Variants in MAN2A1 observed in about 807,000 individuals in gnomAD.
MAN2A1 encodes the protein mannosidase alpha class 2A member 1, also known as alpha-mannosidase 2.
Under a neutral mutation model 142.6 loss-of-function variants are expected in MAN2A1, and 76 were observed. That is an observed-to-expected ratio of 0.53 (90% CI 0.44 to 0.65). The LOEUF (loss-of-function observed/expected upper bound fraction) is 0.65, where lower values mean the gene tolerates loss of function less well. MAN2A1 is among the 30% of genes least tolerant of loss of function. The probability of loss-of-function intolerance (pLI) is 0.00; values close to 1 mark genes in which losing one functional copy is unlikely to be tolerated. For missense variants in MAN2A1, 1,311 were observed against 1,365.1 expected (o/e 0.96, Z 0.62); for synonymous variants, 559 against 473.2 (o/e 1.18, Z -2.35).
At chr5:109,698,390 C>T (rs1372386878) in intron 1 of MAN2A1, among the ~76,000 whole-genome samples, 3 of 152,206 alleles carry the variant, frequency 2.0e-5, no homozygotes, top group African/African-American at 7.2e-5. Context: ...ACTTTCTTTG[C>T]TGTGTTGCTG....
At chr5:109,753,002 A>T (rs1299880042) in intron 4 of MAN2A1, among the ~76,000 whole-genome samples, 1 of 152,206 alleles carries the variant, frequency 6.6e-6, no homozygotes, top group Non-Finnish European at 1.5e-5. Context: ...AAGTTCTATC[A>T]TTGGAGTAAA....
chr5:109,774,983 A>G lies in MAN2A1; in HGVS notation c.1374+18A>G, dbSNP rs1459753981. On this transcript the variant is annotated intron_variant, in intron 8 of 21. Transcript: ENST00000261483. The stretch of plus-strand genomic sequence containing the variant: ...AAGTTAAGGTAAGGAGAAAATATTT[A>G]TGATTCCGTATTTGAAATTGAACCT... The G allele has an allele frequency of 2.6e-6, 4 of 1,518,492 alleles. No homozygotes were observed. The South Asian group carries it at 3.6e-5, about 14-fold the overall frequency. The allele number at this position is 1,518,492 out of a possible 1,614,324, so 94.1% of individuals were successfully genotyped here. A position where few individuals can be genotyped will look rare whatever the true frequency, so the allele number is the denominator to read the frequency against.
intron 1 of MAN2A1, among the ~76,000 whole-genome samples, chr5:109,710,727 G>GT (rs915485773): frequency 2.7e-5 from 4 of 150,928 alleles, no homozygotes; most frequent in Non-Finnish European, 4.4e-5. Context: ...TTTCGCTCTT[G>GT]TTGCCGAGCC....
intron 12 of MAN2A1, among the ~76,000 whole-genome samples, chr5:109,803,561 C>T (rs899704993): frequency 2.0e-5 from 3 of 151,840 alleles, no homozygotes; most frequent in Non-Finnish European, 4.4e-5. Context: ...AACAGGTGCT[C>T]ATATATATAG....
At chr5:109,742,792 A>G (rs1485572808) in intron 4 of MAN2A1, among the ~76,000 whole-genome samples, 1 of 152,238 alleles carries the variant, frequency 6.6e-6, no homozygotes, top group Non-Finnish European at 1.5e-5. Flanking sequence ...TCATCAAAGC[A>G]CTGAAAGCAA....
intron 5 of MAN2A1, among the ~76,000 whole-genome samples, chr5:109,758,195 CT>C (rs1433858063): frequency 6.6e-6 from 1 of 152,036 alleles, no homozygotes; most frequent in Non-Finnish European, 1.5e-5. Context: ...GTTACTGTCT[CT>C]CTTTTTTATT....
intron 3 of MAN2A1, 115 bp from the exon 4 acceptor site, chr5:109,729,227 A>G: frequency 1.7e-6 from 1 of 599,774 alleles, no homozygotes; most frequent in Non-Finnish European, 2.8e-6. Flanking sequence ...TAAATTTAAA[A>G]ATATGTCTAT....
At chr5:109,784,283 G>A (rs1194168423) in intron 9 of MAN2A1, among the ~76,000 whole-genome samples, 1 of 152,096 alleles carries the variant, frequency 6.6e-6, no homozygotes, top group African/African-American at 2.4e-5. Context: ...TCTCCTCTGA[G>A]TGTCCCGCTC....
chr5:109,847,725 C>T lies in MAN2A1; in HGVS notation c.2911C>T (p.Gln971Ter). Reference sequence around the variant, plus strand: ...TAATCGTGGCCTTGAGCAAGGTATCCAGGATAACAAGATTACAGCTAATCT... The same window carrying T: ...TAATCGTGGCCTTGAGCAAGGTATCTAGGATAACAAGATTACAGCTAATCT... ...DDNRGLEQGIQDNKITANLFR... is the reference protein window; with the variant it reads ...DDNRGLEQGI The change falls in exon 19 of 22, where the codon CAG becomes TAG. Residue 971 changes from glutamine to a stop codon, truncating the protein, a stop_gained. Transcript: ENST00000261483. LOFTEE classifies it high-confidence loss of function. 6.2e-7 allele frequency: 1 copy of T among 1,601,480 alleles called. No homozygotes were observed. The highest frequency in any genetic ancestry group is 8.5e-7 in the Non-Finnish European group (1 of 1,174,222).
rs769157286 is a variant in MAN2A1 at position 109,823,710 on chromosome 5, A to C, written c.2452-13A>C. 3 of 1,346,692 alleles carry C rather than the reference A, an allele frequency of 2.2e-6. No homozygotes were observed. The South Asian group carries it at 3.6e-5, about 16-fold the overall frequency. The allele number at this position is 1,346,692 out of a possible 1,614,324, so 83.4% of individuals were successfully genotyped here. ...CCAAAATATTTTTCTTAAATATATT[A>C]TTTTCTTTTCAGCCTTATGTTTACA... is the stretch of plus-strand genomic sequence containing the variant. On this transcript the variant is annotated splice_polypyrimidine_tract_variant and intron_variant, in intron 15 of 21. Transcript: ENST00000261483.
chr5:109,798,880 G>A (rs1753937066), intron 12 of MAN2A1, among the ~76,000 whole-genome samples: 1 of 152,006 alleles, frequency 6.6e-6, no homozygotes, highest in South Asian at 2.1e-4. Context: ...TTTTAGTAGA[G>A]ACTGGGTTTC....
intron 1 of MAN2A1, among the ~76,000 whole-genome samples, chr5:109,707,473 A>C (rs897919137): frequency 6.6e-6 from 1 of 152,156 alleles, no homozygotes; most frequent in African/African-American, 2.4e-5. Flanking sequence ...TGAGTAAAAC[A>C]GCTATGGTGC....
At chr5:109,815,933 G>A (rs1328885260) in intron 12 of MAN2A1, among the ~76,000 whole-genome samples, 1 of 152,178 alleles carries the variant, frequency 6.6e-6, no homozygotes, top group Non-Finnish European at 1.5e-5. Flanking sequence ...GAATCAGTGA[G>A]TTATATTATT....
At chr5:109,783,287 G>A (rs1267341532) in intron 9 of MAN2A1, among the ~76,000 whole-genome samples, 1 of 152,092 alleles carries the variant, frequency 6.6e-6, no homozygotes, top group African/African-American at 2.4e-5. Context: ...TTATACATAA[G>A]TTTGTCTGAA....
chr5:109,808,995 A>G (rs1754248728), intron 12 of MAN2A1, among the ~76,000 whole-genome samples: 1 of 152,102 alleles, frequency 6.6e-6, no homozygotes, highest in African/African-American at 2.4e-5. Flanking sequence ...GAGCCACCAC[A>G]TCTGGCCTCC....
At chr5:109,766,970 C>T (rs1012035516) in intron 5 of MAN2A1, among the ~76,000 whole-genome samples, 1 of 152,110 alleles carries the variant, frequency 6.6e-6, no homozygotes, top group Admixed American at 6.6e-5. Context: ...AAAGCACCAG[C>T]ATCATAATGA....
At chr5:109,777,513 C>A (rs1561507102) in intron 8 of MAN2A1, among the ~76,000 whole-genome samples, 2 of 151,884 alleles carry the variant, frequency 1.3e-5, no homozygotes, top group Admixed American at 6.6e-5. Flanking sequence ...TACTATGTAG[C>A]CTGCATTTTC....
intron 4 of MAN2A1, among the ~76,000 whole-genome samples, chr5:109,732,718 G>C (rs139662291): frequency 0.44 from 66,489 of 151,864 alleles, 15,599 homozygotes; most frequent in African/African-American, 0.61. Flanking sequence ...TTCCATTGAT[G>C]TATATCTCTG....
chr5:109,747,858 A>G (rs2112616230), intron 4 of MAN2A1, among the ~76,000 whole-genome samples: 1 of 152,282 alleles, frequency 6.6e-6, no homozygotes, highest in Non-Finnish European at 1.5e-5. Context: ...TTTCCATACT[A>G]CTGTACCATT....
Sources: allele counts gnomAD v4.1 joint callset (sites outside exome capture counted in the v4.1 genomes callset), GRCh38; gene constraint gnomAD v4.1.1; transcripts MANE v1.5; gene names NCBI Gene and HGNC (gene_info 2026-07-23, HGNC 2026-07-21).